The following SYN3 variants were observed in gnomAD, a reference collection of about 807,000 sequenced individuals.
SYN3 encodes the protein synapsin III.
A neutral mutation model predicts 65.8 loss-of-function variants in SYN3; 35 were observed. The observed-to-expected ratio is 0.53, with a 90% CI of 0.41 to 0.70. The LOEUF (loss-of-function observed/expected upper bound fraction) is 0.70. SYN3 is among the 30% of genes least tolerant of loss of function. The pLI, the probability that SYN3 is intolerant of heterozygous loss-of-function variation, is 0.00. For missense variants in SYN3, 680 were observed against 749.0 expected (o/e 0.91, Z 1.08); for synonymous variants, 270 against 292.9 (o/e 0.92, Z 0.80).
At chr22:32,518,738 T>C (rs145291033) in intron 12 of SYN3, among the ~76,000 whole-genome samples, 118 of 152,248 alleles carry the variant, frequency 7.8e-4, no homozygotes, top group African/African-American at 2.7e-3. Context: ...AATGTGCATA[T>C]GAATCACTGG....
At chr22:32,565,469 G>C (rs559521641) in intron 7 of SYN3, among the ~76,000 whole-genome samples, 2 of 150,382 alleles carry the variant, frequency 1.3e-5, no homozygotes, top group African/African-American at 4.9e-5. Flanking sequence ...AATAGTTTAC[G>C]TATATACATA....
At chr22:32,696,117 G>A (rs759351050) in intron 6 of SYN3, among the ~76,000 whole-genome samples, 35 of 152,196 alleles carry the variant, frequency 2.3e-4, no homozygotes, top group Admixed American at 9.8e-4. Flanking sequence ...CTGGTCAGCA[G>A]GTAGATGCCA....
chr22:32,715,178 A>G (rs1161777740), intron 6 of SYN3, among the ~76,000 whole-genome samples: 5 of 152,252 alleles, frequency 3.3e-5, no homozygotes, highest in Admixed American at 1.3e-4. Flanking sequence ...GCTTATTTTC[A>G]TGGAATAAAT....
intron 7 of SYN3, among the ~76,000 whole-genome samples, chr22:32,556,795 GGTTTCCTGGTTT>G (rs1407246447): frequency 0.019 from 1,691 of 87,180 alleles, 329 homozygotes; most frequent in East Asian, 0.038. Context: ...CCAATCTATA[GGTTTCCTGGTTT>G]TTTTTTTTTT....
intron 13 of SYN3, 53 bp downstream of exon 13, chr22:32,517,990 C>G: frequency 7.1e-7 from 1 of 1,406,946 alleles, no homozygotes; most frequent in Non-Finnish European, 9.3e-7. Flanking sequence ...CAGCCAAGCT[C>G]TGCCTACACC....
intron 7 of SYN3, among the ~76,000 whole-genome samples, chr22:32,581,057 CTCAA>C (rs1307588726): frequency 6.6e-6 from 1 of 152,186 alleles, no homozygotes; most frequent in Non-Finnish European, 1.5e-5. Flanking sequence ...AGTGCGTTAC[CTCAA>C]TCAGTCTTTA....
chr22:32,572,423 C>CCT (rs1386335282), intron 7 of SYN3, among the ~76,000 whole-genome samples: 23 of 5,336 alleles, frequency 4.3e-3, no homozygotes, highest in South Asian at 0.014. Context: ...TTCCTTCCTT[C>CCT]TTCCTTCCTT....
intron 4 of SYN3, among the ~76,000 whole-genome samples, chr22:32,875,295 T>C (rs567141881): frequency 6.6e-6 from 1 of 152,308 alleles, no homozygotes; most frequent in South Asian, 2.1e-4. Flanking sequence ...GCCCTCTTTG[T>C]AAAGTGCTAG....
intron 6 of SYN3, chr22:32,629,690 T>A (rs1049868064): frequency 6.6e-6 from 1 of 152,246 alleles, no homozygotes; most frequent in Non-Finnish European, 1.5e-5. Flanking sequence ...CCTGGGAGCC[T>A]CTTTGCAATC....
intron 6 of SYN3, among the ~76,000 whole-genome samples, chr22:32,671,502 C>T (rs928201835): frequency 2.0e-5 from 3 of 151,916 alleles, no homozygotes; most frequent in Non-Finnish European, 2.9e-5. Context: ...CGCACAGGTG[C>T]ACACACGCTC....
At chr22:32,990,391 T>TCCATCCAC (rs1556093191) in intron 2 of SYN3, among the ~76,000 whole-genome samples, 18 of 128,450 alleles carry the variant, frequency 1.4e-4, no homozygotes, top group African/African-American at 1.6e-4. Context: ...CATCCACCCA[T>TCCATCCAC]CCATCCATCC....
At chr22:32,769,329 T>C (rs780913474) in intron 6 of SYN3, among the ~76,000 whole-genome samples, 5 of 152,180 alleles carry the variant, frequency 3.3e-5, no homozygotes, top group Non-Finnish European at 7.3e-5. Flanking sequence ...CCAAATATAA[T>C]GGCAGAATTT....
chr22:33,045,530 T>C (rs984944080), intron 1 of SYN3, among the ~76,000 whole-genome samples: 2 of 137,616 alleles, frequency 1.5e-5, no homozygotes, highest in African/African-American at 5.4e-5. Flanking sequence ...TGCAGTGGCA[T>C]GATCTCAGCT....
chr22:32,604,811 C>A (rs2059345519), intron 6 of SYN3, among the ~76,000 whole-genome samples: 1 of 152,070 alleles, frequency 6.6e-6, no homozygotes, highest in Non-Finnish European at 1.5e-5. Context: ...CGAGACCATC[C>A]TGGCTAACAC....
chr22:32,958,633 C>T (rs1022662433), intron 3 of SYN3, among the ~76,000 whole-genome samples: 1 of 152,196 alleles, frequency 6.6e-6, no homozygotes, highest in Non-Finnish European at 1.5e-5. Flanking sequence ...GTGCCAGGCA[C>T]TAGTCTAAGG....
At chr22:32,549,754 C>G (rs564783940) in intron 7 of SYN3, among the ~76,000 whole-genome samples, 1 of 152,150 alleles carries the variant, frequency 6.6e-6, no homozygotes, top group East Asian at 1.9e-4. Flanking sequence ...CAAAAATTAG[C>G]CAGGCATGGT....
At chr22:32,966,362 T>C (rs949886512) in intron 3 of SYN3, among the ~76,000 whole-genome samples, 9 of 152,116 alleles carry the variant, frequency 5.9e-5, no homozygotes, top group African/African-American at 1.7e-4. Context: ...GACTCCAAGA[T>C]GGTATTACCA....
intron 4 of SYN3, among the ~76,000 whole-genome samples, chr22:32,901,557 C>T (rs1308550005): frequency 6.6e-6 from 1 of 151,666 alleles, no homozygotes; most frequent in African/African-American, 2.4e-5. Flanking sequence ...TAATGATCAG[C>T]CAAGCATCCT....
chr22:32,599,475 C>T (rs2059250429), intron 6 of SYN3, among the ~76,000 whole-genome samples: 1 of 152,092 alleles, frequency 6.6e-6, no homozygotes, highest in African/African-American at 2.4e-5. Flanking sequence ...GTGCCCGCCA[C>T]CATGCCCGGC....
Sources: allele counts gnomAD v4.1 joint callset (sites outside exome capture counted in the v4.1 genomes callset), GRCh38; gene constraint gnomAD v4.1.1; transcripts MANE v1.5; gene names NCBI Gene and HGNC (gene_info 2026-07-23, HGNC 2026-07-21).